Variants in TMPRSS11F observed in about 807,000 individuals in gnomAD.
TMPRSS11F encodes the protein transmembrane serine protease 11F.
In TMPRSS11F, 47 loss-of-function variants were observed where a neutral mutation model predicts 60.2. The ratio of observed to expected loss-of-function variants is 0.78; its 90% CI spans 0.62 to 1.00. The LOEUF (loss-of-function observed/expected upper bound fraction) is 1.00. Among genes scored for constraint, TMPRSS11F ranks in the 50% least tolerant of loss-of-function variants. TMPRSS11F has a pLI of 0.00. For synonymous variants in TMPRSS11F, 166 were observed against 167.3 expected, an observed-to-expected ratio of 0.99 and a Z score of 0.06; for missense variants, 519 against 522.9, an observed-to-expected ratio of 0.99 and a Z score of 0.07.
At chr4:68,096,317 A>G (rs1029823310) in intron 2 of TMPRSS11F, among the ~76,000 whole-genome samples, 1 of 152,244 alleles carries the variant, frequency 6.6e-6, no homozygotes, top group Admixed American at 6.5e-5. Flanking sequence ...CCTGAGGATA[A>G]TAAGCACACA....
intron 1 of TMPRSS11F, among the ~76,000 whole-genome samples, chr4:68,120,393 T>C (rs1198842373): frequency 1.9e-5 from 1 of 52,572 alleles, no homozygotes; most frequent in East Asian, 4.6e-4. Context: ...TTTTTTTTTT[T>C]TTTTTTTTTT....
intron 1 of TMPRSS11F, 124 bp from the exon 2 acceptor site, chr4:68,099,162 T>C (rs1260931892): frequency 1.3e-6 from 1 of 769,346 alleles, no homozygotes; most frequent in Non-Finnish European, 2.0e-6. Flanking sequence ...ACTTAGACCT[T>C]GAAAAGAACA....
At chr4:68,072,996 G>T (rs1409611385) in intron 4 of TMPRSS11F, among the ~76,000 whole-genome samples, 1 of 152,036 alleles carries the variant, frequency 6.6e-6, no homozygotes, top group Non-Finnish European at 1.5e-5. Flanking sequence ...AATGAATCTG[G>T]CCAATGAAAT....
intron 7 of TMPRSS11F, 98 bp from the exon 8 acceptor site, chr4:68,065,042 G>T: frequency 1.6e-6 from 2 of 1,234,820 alleles, no homozygotes; most frequent in Non-Finnish European, 2.2e-6. Flanking sequence ...TTATGCTCCT[G>T]AAACATTCTT....
Position 68,129,860 on chromosome 4 carries a change from G to C in TMPRSS11F, c.-40C>G. On this transcript the variant is annotated 5_prime_UTR_variant, in exon 1 of 10. It adds an upstream start codon to the 5' untranslated region. Coordinates refer to ENST00000356291, the MANE Select transcript of TMPRSS11F (RefSeq NM_207407.2). Reference sequence around the variant, plus strand: ...GGCAGCTTCTATTCAGTCACCATCTGATCTGTATCAGCAGGTTAGGACTTG... The same window carrying C: ...GGCAGCTTCTATTCAGTCACCATCTCATCTGTATCAGCAGGTTAGGACTTG... The C allele has an allele frequency of 6.2e-7, 1 of 1,609,692 alleles. No individual in the cohort carries two copies. Among genetic ancestry groups the C allele is most frequent in the Non-Finnish European group, 8.5e-7 (1 of 1,176,336 alleles).
intron 1 of TMPRSS11F, among the ~76,000 whole-genome samples, chr4:68,116,206 G>A (rs766653670): frequency 4.6e-5 from 7 of 152,074 alleles, no homozygotes; most frequent in Admixed American, 2.0e-4. Context: ...AAATATACAC[G>A]TATTAGAATG....
At chr4:68,060,597 T>C (rs1401466753) in intron 8 of TMPRSS11F, among the ~76,000 whole-genome samples, 1 of 144,658 alleles carries the variant, frequency 6.9e-6, no homozygotes, top group Non-Finnish European at 1.5e-5. Flanking sequence ...CATAAGTATC[T>C]CTCTTTTTTT....
intron 9 of TMPRSS11F, among the ~76,000 whole-genome samples, chr4:68,056,184 A>C (rs992008921): frequency 3.3e-5 from 5 of 152,176 alleles, no homozygotes; most frequent in African/African-American, 9.6e-5. Context: ...TAGAGAAATT[A>C]GGCAAGAGAA....
At chr4:68,070,624 GA>G (rs752919740) in intron 5 of TMPRSS11F, among the ~76,000 whole-genome samples, 4 of 152,214 alleles carry the variant, frequency 2.6e-5, no homozygotes, top group Admixed American at 6.5e-5. Context: ...AACCAGTCCA[GA>G]GACTCCAGCC....
chr4:68,099,140 T>C (rs1445187132), intron 1 of TMPRSS11F, 102 bp from the exon 2 acceptor site: 1 of 993,494 alleles, frequency 1.0e-6, no homozygotes, highest in Non-Finnish European at 1.5e-6. Flanking sequence ...TACTGCTAAA[T>C]AACAGTGAGC....
At position 68,054,867 on chromosome 4, in the gene TMPRSS11F, A is replaced by G. The variant is rs532914822; in HGVS notation, c.1159-800T>C. 5.3e-5 allele frequency among the ~76,000 whole-genome samples: 8 copies of G among 152,332 alleles called. No homozygotes were observed. The East Asian group carries it at 7.7e-4, about 15-fold the overall frequency. On this transcript the variant is annotated intron_variant, in intron 9 of 9. Transcript: ENST00000356291. The stretch of plus-strand genomic sequence containing the variant: ...GAAGTTTAGGTTAAAAACAACAACA[A>G]CAACAACAATATTAAATAAGCCCAA...
At chr4:68,069,860 T>A (rs1723415088) in intron 6 of TMPRSS11F, 109 bp downstream of exon 6, 1 of 811,850 alleles carries the variant, frequency 1.2e-6, no homozygotes, top group Admixed American at 2.7e-5. Flanking sequence ...TACAAAAATA[T>A]AAAATGAGTC....
At chr4:68,071,665 AG>A (rs1376396842) in intron 5 of TMPRSS11F, among the ~76,000 whole-genome samples, 1 of 152,218 alleles carries the variant, frequency 6.6e-6, no homozygotes. Flanking sequence ...ACTAGCTGTA[AG>A]GTAGTTTGAA....
At chr4:68,117,105 A>G (rs1724537138) in intron 1 of TMPRSS11F, among the ~76,000 whole-genome samples, 1 of 152,114 alleles carries the variant, frequency 6.6e-6, no homozygotes, top group Admixed American at 6.5e-5. Flanking sequence ...TTTGATAAAA[A>G]GTTAATATCC....
intron 6 of TMPRSS11F, among the ~76,000 whole-genome samples, chr4:68,069,021 A>T (rs767814876): frequency 2.0e-5 from 3 of 152,214 alleles, no homozygotes; most frequent in African/African-American, 4.8e-5. Flanking sequence ...CAAGGCATTC[A>T]GTCCAGGAAT....
chr4:68,059,230 G>A lies in TMPRSS11F; in HGVS notation c.1158+96C>T, dbSNP rs1723105984. The A allele has an allele frequency of 3.1e-6, 4 of 1,280,660 alleles. No homozygotes were observed. In the East Asian group the frequency reaches 9.5e-5, roughly 30 times the overall value. The allele number at this position is 1,280,660 out of a possible 1,614,324, so 79.3% of individuals were successfully genotyped here. A position where few individuals can be genotyped will look rare whatever the true frequency, so the allele number is the denominator to read the frequency against. ...AAAGTCAGTTCTCGGTGTAAGAGAT[G>A]CCATTTTTTTTTCTCCTAGGTAAAA... On this transcript the variant is annotated intron_variant, in intron 9 of 9. Transcript: ENST00000356291.
At position 68,122,212 on chromosome 4, in the gene TMPRSS11F, T is replaced by C. The variant is rs184561229; in HGVS notation, c.11+7598A>G. ...AAAAATACCTTACAAACTGTGTGTA[T>C]AGTTAAAACAATGTAAGTATTAAAC... On this transcript the variant is annotated intron_variant, in intron 1 of 9. Transcript: ENST00000356291. 7.9e-5 allele frequency among the ~76,000 whole-genome samples: 12 copies of C among 152,314 alleles called. No homozygotes were observed. The East Asian group carries it at 2.3e-3, about 29-fold the overall frequency.
chr4:68,056,363 G>A (rs1040553585), intron 9 of TMPRSS11F, among the ~76,000 whole-genome samples: 1 of 149,826 alleles, frequency 6.7e-6, no homozygotes, highest in Non-Finnish European at 1.5e-5. Context: ...ACTCAGTAGT[G>A]TTTCCATATA....
At chr4:68,069,818 C>T (rs1169860493) in intron 6 of TMPRSS11F, 151 bp downstream of exon 6, 2 of 496,048 alleles carry the variant, frequency 4.0e-6, no homozygotes, top group Non-Finnish European at 3.5e-6. Context: ...TACTTAAATG[C>T]TAAAAATAAT....
Sources: allele counts gnomAD v4.1 joint callset (sites outside exome capture counted in the v4.1 genomes callset), GRCh38; gene constraint gnomAD v4.1.1; transcripts MANE v1.5; gene names NCBI Gene and HGNC (gene_info 2026-07-23, HGNC 2026-07-21).